Variants in WAPL observed in about 807,000 individuals in gnomAD.
WAPL encodes WAPL cohesin release factor.
In WAPL, 5 loss-of-function variants were observed where a neutral mutation model predicts 121.0. That is an observed-to-expected ratio of 0.04 (90% CI 0.02 to 0.09). The LOEUF is 0.09. Ranked by LOEUF, WAPL falls within the 10% of genes least tolerant of loss-of-function variation. The pLI is 1.00. For missense variants in WAPL, 999 were observed against 1,410.8 expected (o/e 0.71, Z 4.68); for synonymous variants, 480 against 481.5 (o/e 1.00, Z 0.04).
chr10:86,492,599 G>A (rs1387901214), intron 4 of WAPL, among the ~76,000 whole-genome samples: 3 of 151,956 alleles, frequency 2.0e-5, no homozygotes, highest in South Asian at 4.2e-4. Flanking sequence ...CCTCCCCACC[G>A]CCCCCCACCA....
At chr10:86,456,701 G>A (rs1351392575) in intron 12 of WAPL, among the ~76,000 whole-genome samples, 2 of 152,186 alleles carry the variant, frequency 1.3e-5, no homozygotes, top group Non-Finnish European at 2.9e-5. Flanking sequence ...TGTTCCTCAT[G>A]TCTAACCTAA....
chr10:86,457,965 T>A (rs1171693743), intron 12 of WAPL, among the ~76,000 whole-genome samples: 2 of 152,200 alleles, frequency 1.3e-5, no homozygotes, highest in Non-Finnish European at 2.9e-5. Context: ...AGGTTACAGA[T>A]GGAAACCAGA....
At position 86,437,491 on chromosome 10, in the gene WAPL, T is replaced by C; in HGVS notation, c.*52A>G. 1 of 1,574,104 alleles carries C rather than the reference T, an allele frequency of 6.4e-7. No homozygotes were observed. The highest frequency in any genetic ancestry group is 2.3e-5 in the East Asian group (1 of 44,370). Reference sequence around the variant, plus strand: ...CTTCTTTCATGACTTGACTTTTCTTTGTCTAAGGATAGCTCCAGCATTACC... The same window carrying C: ...CTTCTTTCATGACTTGACTTTTCTTCGTCTAAGGATAGCTCCAGCATTACC... On this transcript the variant is annotated 3_prime_UTR_variant, in exon 19 of 19. Coordinates refer to ENST00000298767, the MANE Select transcript of WAPL (RefSeq NM_015045.5).
intron 4 of WAPL, among the ~76,000 whole-genome samples, chr10:86,479,924 C>A (rs773208539): frequency 6.6e-6 from 1 of 152,162 alleles, no homozygotes; most frequent in Non-Finnish European, 1.5e-5. Flanking sequence ...AAAAGTCTTA[C>A]AAAGAATCTT....
At chr10:86,514,844 T>C (rs540223292) in intron 2 of WAPL, among the ~76,000 whole-genome samples, 3 of 152,218 alleles carry the variant, frequency 2.0e-5, no homozygotes, top group Non-Finnish European at 4.4e-5. Flanking sequence ...TGATGCCCCA[T>C]TCCTCAAAAG....
rs35307250 is a variant in WAPL at position 86,444,892 on chromosome 10, C to CAAAAA, written c.3322+1345_3322+1349dup. Among the ~76,000 whole-genome samples the CAAAAA allele has an allele frequency of 6.8e-3, 461 of 67,988 alleles. 9 individuals carry two copies. The highest frequency in any genetic ancestry group is 0.024 in the East Asian group (69 of 2,912). 44.6% of individuals were successfully genotyped at this position (67,988 alleles called of 152,430 possible). A position where few individuals can be genotyped will look rare whatever the true frequency, so the allele number is the denominator to read the frequency against. ...TAAAAAACCAAAAATGTTATTACGC[C>CAAAAA]AAAAAAAAAAAAAAAAAAAAGAAAT... On this transcript the variant is annotated intron_variant, in intron 16 of 18. Transcript: ENST00000298767.
At chr10:86,490,690 T>C (rs1842027940) in intron 4 of WAPL, among the ~76,000 whole-genome samples, 1 of 152,222 alleles carries the variant, frequency 6.6e-6, no homozygotes, top group African/African-American at 2.4e-5. Context: ...CTCATATTTA[T>C]TGCTCATATT....
At chr10:86,479,246 C>A (rs1458895120) in intron 4 of WAPL, among the ~76,000 whole-genome samples, 1 of 152,144 alleles carries the variant, frequency 6.6e-6, no homozygotes, top group Non-Finnish European at 1.5e-5. Flanking sequence ...GAATGGGTTT[C>A]TTTTGTTCTT....
chr10:86,490,229 T>C lies in WAPL; in HGVS notation c.1644+6972A>G, dbSNP rs116393565. On this transcript the variant is annotated intron_variant, in intron 4 of 18. Coordinates refer to ENST00000298767, the MANE Select transcript of WAPL (RefSeq NM_015045.5). Reference sequence around the variant, plus strand: ...ACTCCATCTCAAAAAAAAAAACACATACACACACACAGCTTTACTCATATT... The same window carrying C: ...ACTCCATCTCAAAAAAAAAAACACACACACACACACAGCTTTACTCATATT... 9.4e-3 allele frequency among the ~76,000 whole-genome samples: 1,425 copies of C among 151,574 alleles called. 29 individuals carry two copies. Among genetic ancestry groups the C allele is most frequent in the African/African-American group, 0.032 (1,323 of 41,326 alleles).
chr10:86,487,338 T>C (rs1026112883), intron 4 of WAPL, among the ~76,000 whole-genome samples: 2 of 152,184 alleles, frequency 1.3e-5, no homozygotes, highest in African/African-American at 2.4e-5. Context: ...TACCAAGAAC[T>C]GCTCAATGAT....
chr10:86,447,276 T>C (rs1206327676), intron 15 of WAPL, among the ~76,000 whole-genome samples: 1 of 152,242 alleles, frequency 6.6e-6, no homozygotes, highest in African/African-American at 2.4e-5. Flanking sequence ...AAAAGCTCTC[T>C]GGATTTCCCA....
At chr10:86,517,048 CA>C (rs1004314078) in intron 2 of WAPL, among the ~76,000 whole-genome samples, 7 of 147,008 alleles carry the variant, frequency 4.8e-5, no homozygotes, top group Non-Finnish European at 7.5e-5. Context: ...GACTCCTTCT[CA>C]AAAAAAAAAA....
chr10:86,453,820 T>C lies in WAPL; in HGVS notation c.2669A>G (p.His890Arg), dbSNP rs745740928. The C allele has an allele frequency of 1.2e-6, 2 of 1,604,098 alleles. No homozygotes were observed. The highest frequency in any genetic ancestry group is 1.8e-5 in the Admixed American group (1 of 57,100). Residue 890 changes from histidine (H) to arginine (R), a missense_variant, in exon 13 of 19, where the codon CAT (histidine) becomes CGT (arginine). Physicochemically the swap from His to Arg is conservative, Grantham distance 29. Coordinates refer to ENST00000298767, the MANE Select transcript of WAPL (RefSeq NM_015045.5). Reference protein sequence around the residue: ...LIVSSAKALQHCEELIQQYNR... With the variant: ...LIVSSAKALQRCEELIQQYNR... Reference sequence around the variant, plus strand: ...GTACTGCTGAATCAGTTCTTCACAATGCTGTAATGCTCTTAAAAGGAAATA... The same window carrying C: ...GTACTGCTGAATCAGTTCTTCACAACGCTGTAATGCTCTTAAAAGGAAATA...
chr10:86,475,455 C>T (rs1589515526), intron 4 of WAPL, among the ~76,000 whole-genome samples: 1 of 152,340 alleles, frequency 6.6e-6, no homozygotes, highest in East Asian at 1.9e-4. Context: ...TTACTAGCTG[C>T]ACTGAAGCAA....
chr10:86,459,385 G>C (rs1230577683), intron 11 of WAPL, among the ~76,000 whole-genome samples: 1 of 152,294 alleles, frequency 6.6e-6, no homozygotes, highest in African/African-American at 2.4e-5. Flanking sequence ...AAGTTCATAA[G>C]TAGATTCATT....
intron 2 of WAPL, 26 bp downstream of exon 2, chr10:86,517,545 G>A (rs747021993): frequency 2.2e-5 from 34 of 1,571,804 alleles, no homozygotes; most frequent in Middle Eastern, 1.7e-4. Context: ...CTCTCTTGGC[G>A]GAGAATAAAG....
chr10:86,487,370 T>C (rs527511783), intron 4 of WAPL, among the ~76,000 whole-genome samples: 37 of 152,278 alleles, frequency 2.4e-4, no homozygotes, highest in African/African-American at 7.9e-4. Flanking sequence ...CTAGAAACAA[T>C]AGGTAGTTAA....
chr10:86,472,789 T>C lies in WAPL; in HGVS notation c.1741-25A>G. On this transcript the variant is annotated intron_variant, in intron 5 of 18. Transcript: ENST00000298767. This position sits in a 1 kb window ranked among gnomAD's most constrained non-coding sequence, Gnocchi z 4.2. ...CCTATTAATAAAGGTATTAAATTAG[T>C]TGTTCTAAATAAATATATAAAAATA... The C allele has an allele frequency of 6.4e-7, 1 of 1,558,660 alleles. No homozygotes were observed. Among genetic ancestry groups the C allele is most frequent in the Non-Finnish European group, 8.7e-7 (1 of 1,154,888 alleles).
At chr10:86,496,386 T>G (rs1035962889) in intron 4 of WAPL, among the ~76,000 whole-genome samples, 3 of 151,806 alleles carry the variant, frequency 2.0e-5, no homozygotes, top group Admixed American at 6.6e-5. Flanking sequence ...GTTTGGCAGT[T>G]CCTCAGAAAG....
Sources: gnomAD v4.1 joint callset for allele counts (sites outside exome capture counted in the v4.1 genomes callset) on GRCh38, gnomAD v4.1.1 for gene constraint, Gnocchi (gnomAD v3.1) non-coding constraint, MANE v1.5 for transcripts, NCBI Gene and HGNC (gene_info 2026-07-23, HGNC 2026-07-21) for gene names.